NAP1L4: variants seen among roughly 807,000 people sequenced by gnomAD.
NAP1L4 encodes nucleosome assembly protein 1-like 4.
Under a neutral mutation model 58.2 loss-of-function variants are expected in NAP1L4, and 15 were observed. The ratio of observed to expected loss-of-function variants is 0.26; its 90% CI spans 0.17 to 0.40. The LOEUF (loss-of-function observed/expected upper bound fraction) is 0.40, where lower values mean the gene tolerates loss of function less well. Ranked by LOEUF, NAP1L4 falls within the 10% of genes least tolerant of loss-of-function variation. The pLI is 1.00. For synonymous variants in NAP1L4, 171 were observed against 155.6 expected, an observed-to-expected ratio of 1.10 and a Z score of -0.74; for missense variants, 384 against 451.1, an observed-to-expected ratio of 0.85 and a Z score of 1.35.
chr11:2,967,582 G>A (rs990712547), intron 7 of NAP1L4, among the ~76,000 whole-genome samples: 26 of 147,582 alleles, frequency 1.8e-4, no homozygotes, highest in African/African-American at 6.1e-4. Context: ...CTGCACTCCA[G>A]CCTGGGCGAC....
chr11:2,958,436 G>C lies in NAP1L4; in HGVS notation c.855C>G (p.Pro285=). 1 of 1,614,152 alleles carries C rather than the reference G, an allele frequency of 6.2e-7. No individual in the cohort carries two copies. The highest frequency in any genetic ancestry group is 1.3e-5 in the African/African-American group (1 of 75,052). ...TGAAGAAGTTGAAAAAGGACTCATT[G>C]GGTACTTGTTTCGTAATTGTTCTAA... The part of the protein sequence containing the change: ...GTVRTITKQV[P]NESFFNFFNP... Residue 285 remains proline (P), a synonymous_variant, in exon 10 of 16, where the codon CCC becomes CCG. Transcript: ENST00000380542.
intron 1 of NAP1L4, chr11:2,991,988 G>C (rs537735460): frequency 1.3e-5 from 2 of 152,026 alleles, no homozygotes; most frequent in Non-Finnish European, 2.9e-5. Context: ...CAGTGAGGCG[G>C]GCAGCCGGGC....
At position 2,959,874 on chromosome 11, in the gene NAP1L4, G is replaced by C; in HGVS notation, c.642C>G (p.Asp214Glu). The change falls in exon 9 of 16, where the codon GAC becomes GAG. Residue 214 changes from aspartate to glutamate, a missense_variant. By Grantham distance (45) the Asp-to-Glu change is conservative. This residue lies in a region of NAP1L4 where 296 missense variants were observed against 360.8 expected (regional missense o/e 0.82). Transcript: ENST00000380542. This position sits in a 1 kb window ranked among gnomAD's most constrained non-coding sequence, Gnocchi z 4.9. ...FVLEFHFEPN[D>E]YFTNSVLTKT... ...TTGTCAGGACTGAGTTGGTAAAGTA[G>C]TCGTTGGGTTCAAAGTGGAACTCTA... The C allele has an allele frequency of 6.2e-7, 1 of 1,614,194 alleles. No homozygotes were observed. The highest frequency in any genetic ancestry group is 8.5e-7 in the Non-Finnish European group (1 of 1,180,022).
At position 2,961,630 on chromosome 11, in the gene NAP1L4, C is replaced by T. The variant is rs1484930415; in HGVS notation, c.607-1721G>A. On this transcript the variant is annotated intron_variant, in intron 8 of 15. Transcript: ENST00000380542. ...CAACCAACCCAGGGCATGGGGTGGC[C>T]CCAATAAAACAAATAGTACTATTAG... 2.0e-5 allele frequency among the ~76,000 whole-genome samples: 3 copies of T among 152,050 alleles called. No homozygotes were observed. The South Asian group carries it at 6.2e-4, about 32-fold the overall frequency.
intron 1 of NAP1L4, among the ~76,000 whole-genome samples, chr11:2,987,699 G>A (rs1564993852): frequency 1.4e-5 from 2 of 144,716 alleles, no homozygotes; most frequent in Non-Finnish European, 3.0e-5. Context: ...AGAGGCTGCA[G>A]TGAGCCGAGA....
Position 2,949,109 on chromosome 11 carries a change from G to A in NAP1L4, c.*32+118C>T. The A allele has an allele frequency of 1.3e-6, 1 of 757,712 alleles. No homozygotes were observed. The highest frequency in any genetic ancestry group is 2.2e-6 in the Non-Finnish European group (1 of 460,952). The allele number at this position is 757,712 out of a possible 1,614,324, so 46.9% of individuals were successfully genotyped here. A position where few individuals can be genotyped will look rare whatever the true frequency, so the allele number is the denominator to read the frequency against. ...TGTAACAGACACCTATGTCAAACCT[G>A]TGACACAGTGAGTGTACCTGGACAG... On this transcript the variant is annotated intron_variant, in intron 15 of 15. Transcript: ENST00000380542. This position sits in a 1 kb window ranked among gnomAD's most constrained non-coding sequence, Gnocchi z 4.0.
At chr11:2,960,948 G>A (rs1243367925) in intron 8 of NAP1L4, among the ~76,000 whole-genome samples, 2 of 152,100 alleles carry the variant, frequency 1.3e-5, no homozygotes, top group Non-Finnish European at 2.9e-5. Context: ...TAGGCAACTC[G>A]CGGAAGCTAC....
chr11:2,979,746 T>C (rs992599864), intron 1 of NAP1L4, among the ~76,000 whole-genome samples: 3 of 151,594 alleles, frequency 2.0e-5, no homozygotes, highest in African/African-American at 7.3e-5. Flanking sequence ...CACTCCAGCC[T>C]GGGCAACAAG....
At chr11:2,988,127 C>G (rs1848751053) in intron 1 of NAP1L4, 1 of 152,216 alleles carries the variant, frequency 6.6e-6, no homozygotes, top group Non-Finnish European at 1.5e-5. Flanking sequence ...GTGCCAAGCC[C>G]TGGGGTTTCA....
At chr11:2,969,484 A>G (rs1437861323) in intron 7 of NAP1L4, among the ~76,000 whole-genome samples, 6 of 152,104 alleles carry the variant, frequency 3.9e-5, no homozygotes, top group Non-Finnish European at 8.8e-5. Context: ...TGGGCTCTGG[A>G]ATCTATTCAT....
At chr11:2,975,555 A>T (rs980161806) in intron 4 of NAP1L4, among the ~76,000 whole-genome samples, 2 of 149,706 alleles carry the variant, frequency 1.3e-5, no homozygotes, top group African/African-American at 2.5e-5. Context: ...ATACAGTGAG[A>T]CCCCATCTTT....
intron 1 of NAP1L4, among the ~76,000 whole-genome samples, chr11:2,988,705 G>C (rs1012742146): frequency 6.6e-6 from 1 of 152,138 alleles, no homozygotes; most frequent in Non-Finnish European, 1.5e-5. Context: ...AATGCACAGC[G>C]CATTTTTAAA....
intron 1 of NAP1L4, chr11:2,990,920 A>T: frequency 2.9e-6 from 1 of 346,820 alleles, no homozygotes; most frequent in Non-Finnish European, 5.8e-6. Flanking sequence ...TTTAAGGTCC[A>T]ACAACCTAAT....
In NAP1L4 at chr11:2,971,551, C is replaced by A. The variant is rs1223414890; in HGVS notation, c.316-17G>T. ...TTCTCTTCTCTACATAAAAATGAGACCTTATTAGAATTATGTTATTAGCTT... is the reference window on the plus strand; with the variant it reads ...TTCTCTTCTCTACATAAAAATGAGAACTTATTAGAATTATGTTATTAGCTT... On this transcript the variant is annotated splice_polypyrimidine_tract_variant and intron_variant, in intron 5 of 15. Transcript: ENST00000380542. This position sits in a 1 kb window ranked among gnomAD's most constrained non-coding sequence, Gnocchi z 4.2. The A allele has an allele frequency of 6.2e-7, 1 of 1,603,160 alleles. No homozygotes were observed. Among genetic ancestry groups the A allele is most frequent in the Non-Finnish European group, 8.5e-7 (1 of 1,172,132 alleles).
intron 8 of NAP1L4, 123 bp from the exon 9 acceptor site, chr11:2,960,032 C>A (rs1846771263): frequency 1.6e-5 from 16 of 980,476 alleles, no homozygotes; most frequent in African/African-American, 6.6e-5. Flanking sequence ...GGGCCATGAA[C>A]AAGAAAAACT....
At chr11:2,989,047 C>G (rs954630336) in intron 1 of NAP1L4, 3 of 152,186 alleles carry the variant, frequency 2.0e-5, no homozygotes, top group African/African-American at 7.2e-5. Context: ...TTACTATCTA[C>G]CTACTGATAA....
intron 3 of NAP1L4, among the ~76,000 whole-genome samples, chr11:2,977,854 AG>A (rs1848056877): frequency 7.2e-6 from 1 of 137,972 alleles, no homozygotes. Flanking sequence ...AGGAAAGTAA[AG>A]GGTATAGACT....
chr11:2,991,356 G>T, intron 1 of NAP1L4: 1 of 279,032 alleles, frequency 3.6e-6, no homozygotes, highest in Non-Finnish European at 7.5e-6. Context: ...ACTCTGGTCA[G>T]GTCAAAAAAT....
At position 2,976,095 on chromosome 11, in the gene NAP1L4, A is replaced by G. The variant is rs755659861; in HGVS notation, c.102T>C (p.Asn34=). Residue 34 remains asparagine, a synonymous_variant, in exon 4 of 16, where the codon AAT becomes AAC. Coordinates refer to ENST00000380542, the MANE Select transcript of NAP1L4 (RefSeq NM_005969.4). ...CCTGTAAAGCTGCCAGAACTCGAGG[A>G]TTCTGCATCACCTGATCTGTGAGCT... ...TEKLTDQVMQ[N]PRVLAALQER... 40 of 1,613,898 alleles carry G rather than the reference A, an allele frequency of 2.5e-5. No individual in the cohort carries two copies. The highest frequency in any genetic ancestry group is 3.4e-5 in the Non-Finnish European group (40 of 1,179,990).
Sources: allele counts gnomAD v4.1 joint callset (sites outside exome capture counted in the v4.1 genomes callset), GRCh38; gene constraint gnomAD v4.1.1; regional missense constraint gnomAD v4.1.1; non-coding constraint Gnocchi (gnomAD v3.1); transcripts MANE v1.5; gene names NCBI Gene and HGNC (gene_info 2026-07-23, HGNC 2026-07-21).